The following SLC25A21 variants were observed in gnomAD, a reference collection of about 807,000 sequenced individuals.
SLC25A21 encodes the protein solute carrier family 25 member 21, also known as mitochondrial 2-oxodicarboxylate carrier.
Under a neutral mutation model 43.8 loss-of-function variants are expected in SLC25A21, and 47 were observed. The ratio of observed to expected loss-of-function variants is 1.07; its 90% CI spans 0.85 to 1.37. The LOEUF (loss-of-function observed/expected upper bound fraction) is 1.37, where lower values mean the gene tolerates loss of function less well. Ranked by LOEUF, SLC25A21 falls within the 40% of genes most tolerant of loss-of-function variation. The probability of loss-of-function intolerance (pLI) is 0.00; values close to 1 mark genes in which losing one functional copy is unlikely to be tolerated. For synonymous variants in SLC25A21, 131 were observed against 121.3 expected (o/e 1.08, Z -0.52); for missense variants, 352 against 350.2 (o/e 1.00, Z -0.04).
chr14:37,102,571 G>A (rs1962836368), intron 1 of SLC25A21, among the ~76,000 whole-genome samples: 1 of 152,086 alleles, frequency 6.6e-6, no homozygotes, highest in South Asian at 2.1e-4. Flanking sequence ...TGTTAAGAAG[G>A]GTGGTAGTTT....
At chr14:37,026,907 T>C (rs1182810009) in intron 1 of SLC25A21, among the ~76,000 whole-genome samples, 1 of 152,128 alleles carries the variant, frequency 6.6e-6, no homozygotes, top group Non-Finnish European at 1.5e-5. Context: ...CCTACTGTCT[T>C]GCCAGGCTCC....
At chr14:36,984,739 G>T (rs1232698693) in intron 1 of SLC25A21, among the ~76,000 whole-genome samples, 1 of 151,864 alleles carries the variant, frequency 6.6e-6, no homozygotes, top group East Asian at 1.9e-4. Context: ...AGAATACAAA[G>T]AACTATATAT....
At chr14:36,845,663 C>A (rs918963803) in intron 2 of SLC25A21, among the ~76,000 whole-genome samples, 1 of 152,212 alleles carries the variant, frequency 6.6e-6, no homozygotes, top group African/African-American at 2.4e-5. Flanking sequence ...AATTGATGGA[C>A]AAACTATCAT....
intron 1 of SLC25A21, among the ~76,000 whole-genome samples, chr14:36,968,336 AG>A (rs2138682976): frequency 6.6e-6 from 1 of 152,298 alleles, no homozygotes; most frequent in South Asian, 2.1e-4. Flanking sequence ...CTGATTGACA[AG>A]AAGTCACTGG....
At chr14:37,097,103 G>GT (rs1255491918) in intron 1 of SLC25A21, 8 of 144,716 alleles carry the variant, frequency 5.5e-5, no homozygotes, top group South Asian at 2.2e-4. Context: ...CTTTTATTTA[G>GT]TTTTTTTGTT....
chr14:36,884,643 T>C (rs1286054882), intron 1 of SLC25A21, among the ~76,000 whole-genome samples: 1 of 152,206 alleles, frequency 6.6e-6, no homozygotes, highest in Non-Finnish European at 1.5e-5. Flanking sequence ...ACACTTTTTA[T>C]CTTTCATCTT....
chr14:37,014,330 T>C (rs2138743492), intron 1 of SLC25A21, among the ~76,000 whole-genome samples: 1 of 152,302 alleles, frequency 6.6e-6, no homozygotes, highest in South Asian at 2.1e-4. Flanking sequence ...ATATGACAAC[T>C]AAGTTTATGA....
intron 6 of SLC25A21, among the ~76,000 whole-genome samples, chr14:36,718,814 G>A (rs1326323965): frequency 6.6e-6 from 1 of 152,118 alleles, no homozygotes; most frequent in African/African-American, 2.4e-5. Flanking sequence ...CTATCTGTTT[G>A]TTGATCCTTA....
chr14:37,154,464 A>G (rs1054657135), intron 1 of SLC25A21, among the ~76,000 whole-genome samples: 2 of 124,860 alleles, frequency 1.6e-5, no homozygotes, highest in Non-Finnish European at 3.3e-5. Flanking sequence ...GAAACATAAA[A>G]AAAAATCAAT....
At chr14:37,143,589 C>CGTGTGTGTGTGTGTGTGTGT (rs10531936) in intron 1 of SLC25A21, among the ~76,000 whole-genome samples, 186 of 148,646 alleles carry the variant, frequency 1.3e-3, no homozygotes, top group African/African-American at 4.1e-3. Flanking sequence ...TGTTCATTAG[C>CGTGTGTGTGTGTGTGTGTGT]GTGTGTGTGT....
chr14:36,737,085 G>C (rs919363094), intron 3 of SLC25A21, among the ~76,000 whole-genome samples: 3 of 152,136 alleles, frequency 2.0e-5, no homozygotes, highest in African/African-American at 7.2e-5. Context: ...GGCCCTCAAG[G>C]CTGATCTGTT....
chr14:36,926,207 AT>A (rs1160634428), intron 1 of SLC25A21, among the ~76,000 whole-genome samples: 2 of 152,196 alleles, frequency 1.3e-5, no homozygotes, highest in Non-Finnish European at 2.9e-5. Flanking sequence ...GTAGACAAAA[AT>A]GATCTGGAAA....
chr14:36,700,637 G>A (rs747051480), intron 7 of SLC25A21, among the ~76,000 whole-genome samples: 10 of 152,128 alleles, frequency 6.6e-5, no homozygotes, highest in Non-Finnish European at 1.0e-4. Context: ...ACAGGCAACA[G>A]GCTCTCACAC....
rs561785441 is a variant in SLC25A21 at position 36,679,250 on chromosome 14, A to G, written c.*1408T>C. 8 of 984,186 alleles carry G rather than the reference A, an allele frequency of 8.1e-6. No individual in the cohort carries two copies. The South Asian group carries it at 3.8e-4, about 46-fold the overall frequency. 61.0% of individuals were successfully genotyped at this position (984,186 alleles called of 1,614,324 possible). On this transcript the variant is annotated 3_prime_UTR_variant, in exon 10 of 10. Coordinates refer to ENST00000331299, the MANE Select transcript of SLC25A21 (RefSeq NM_030631.4). ...ATATTGGACTGAAATATAAATTTTA[A>G]AAAACACGTTGGAAAGGATGTACAA...
At chr14:36,801,320 T>G (rs1008417800) in intron 3 of SLC25A21, among the ~76,000 whole-genome samples, 5 of 152,160 alleles carry the variant, frequency 3.3e-5, no homozygotes, top group South Asian at 2.1e-4. Flanking sequence ...ATATAGATCT[T>G]TGGGCTCTCT....
intron 1 of SLC25A21, among the ~76,000 whole-genome samples, chr14:36,904,753 G>A (rs1891489292): frequency 6.6e-6 from 1 of 152,136 alleles, no homozygotes; most frequent in Non-Finnish European, 1.5e-5. Flanking sequence ...CAGATCTCTT[G>A]GGAACTCACT....
chr14:37,112,282 C>G (rs757370501), intron 1 of SLC25A21, among the ~76,000 whole-genome samples: 3 of 152,070 alleles, frequency 2.0e-5, no homozygotes, highest in Non-Finnish European at 4.4e-5. Flanking sequence ...ACACGGACCA[C>G]TGGAGAACAC....
intron 1 of SLC25A21, among the ~76,000 whole-genome samples, chr14:36,950,569 G>C (rs1350258466): frequency 6.6e-6 from 1 of 152,128 alleles, no homozygotes; most frequent in Non-Finnish European, 1.5e-5. Context: ...ATAAATTTCT[G>C]TTATTTAAGC....
chr14:36,794,715 G>T (rs2138408234), intron 3 of SLC25A21, among the ~76,000 whole-genome samples: 1 of 151,218 alleles, frequency 6.6e-6, no homozygotes, highest in Non-Finnish European at 1.5e-5. Context: ...GTTGCAGTGA[G>T]CTGAGATCAC....
Sources: allele counts gnomAD v4.1 joint callset (sites outside exome capture counted in the v4.1 genomes callset), GRCh38; gene constraint gnomAD v4.1.1; transcripts MANE v1.5; gene names NCBI Gene and HGNC (gene_info 2026-07-23, HGNC 2026-07-21).